Variants in TRPM3 observed in about 807,000 individuals in gnomAD.
TRPM3 encodes the protein long transient receptor potential channel 3.
Under a neutral mutation model 181.2 loss-of-function variants are expected in TRPM3, and 77 were observed. The ratio of observed to expected loss-of-function variants is 0.42; its 90% CI spans 0.35 to 0.51. The LOEUF (loss-of-function observed/expected upper bound fraction) is 0.51. TRPM3 is among the 20% of genes least tolerant of loss of function. TRPM3 has a pLI of 0.01. For synonymous variants in TRPM3, 745 were observed against 796.4 expected, an observed-to-expected ratio of 0.94 and a Z score of 1.09; for missense variants, 1,759 against 2,196.7, an observed-to-expected ratio of 0.80 and a Z score of 3.98.
intron 1 of TRPM3, among the ~76,000 whole-genome samples, chr9:70,938,216 G>C (rs1386073450): frequency 6.6e-6 from 1 of 152,156 alleles, no homozygotes; most frequent in Non-Finnish European, 1.5e-5. Context: ...TCAAAAGCTA[G>C]AGCTCTAGAC....
intron 1 of TRPM3, among the ~76,000 whole-genome samples, chr9:70,981,035 T>C (rs567094598): frequency 5.1e-4 from 77 of 152,284 alleles, no homozygotes; most frequent in African/African-American, 1.8e-3. Flanking sequence ...TCTTGGGTGA[T>C]GGGGAAGCTC....
intron 1 of TRPM3, among the ~76,000 whole-genome samples, chr9:70,954,575 C>A (rs1303599616): frequency 6.6e-6 from 1 of 152,052 alleles, no homozygotes; most frequent in African/African-American, 2.4e-5. Flanking sequence ...ATCGATAGTG[C>A]AACCCCTAAT....
At chr9:71,438,409 C>T (rs1563932399) in intron 1 of TRPM3, among the ~76,000 whole-genome samples, 1 of 152,060 alleles carries the variant, frequency 6.6e-6, no homozygotes, top group Non-Finnish European at 1.5e-5. Context: ...GTGGCTCATG[C>T]CTGTAATCCC....
intron 9 of TRPM3, among the ~76,000 whole-genome samples, chr9:70,648,364 C>T (rs985009219): frequency 6.6e-6 from 1 of 152,012 alleles, no homozygotes; most frequent in Non-Finnish European, 1.5e-5. Context: ...TGGTCCCAGC[C>T]ACTTGGGAGG....
At chr9:70,656,581 C>T (rs2133865906) in intron 9 of TRPM3, among the ~76,000 whole-genome samples, 1 of 152,302 alleles carries the variant, frequency 6.6e-6, no homozygotes, top group African/African-American at 2.4e-5. Context: ...TATAATTTTG[C>T]AGTGGCAGTC....
At chr9:70,890,339 A>G (rs968709078) in intron 1 of TRPM3, among the ~76,000 whole-genome samples, 1 of 152,000 alleles carries the variant, frequency 6.6e-6, no homozygotes, top group Non-Finnish European at 1.5e-5. Context: ...CAAAAAATAT[A>G]TAAGTTAGAG....
intron 4 of TRPM3, among the ~76,000 whole-genome samples, 187 bp downstream of exon 4, chr9:70,846,191 C>A (rs887483818): frequency 2.0e-5 from 3 of 152,148 alleles, no homozygotes; most frequent in African/African-American, 7.2e-5. Flanking sequence ...GTAAGTAATT[C>A]TTCTTGGTTA....
intron 22 of TRPM3, among the ~76,000 whole-genome samples, chr9:70,553,840 A>G (rs2047030217): frequency 1.3e-5 from 2 of 152,218 alleles, no homozygotes; most frequent in African/African-American, 2.4e-5. Context: ...TTGCTGTCTC[A>G]GTACAGAAGG....
chr9:70,694,351 T>A (rs1476100116), intron 8 of TRPM3, among the ~76,000 whole-genome samples: 6 of 152,206 alleles, frequency 3.9e-5, no homozygotes, highest in Admixed American at 1.3e-4. Flanking sequence ...GCCATAGATT[T>A]TCTTTCCTCA....
intron 1 of TRPM3, among the ~76,000 whole-genome samples, chr9:71,367,751 T>G (rs1302488750): frequency 6.6e-6 from 1 of 152,122 alleles, no homozygotes; most frequent in African/African-American, 2.4e-5. Context: ...AATTAGCAAT[T>G]TCCCCCATGT....
chr9:70,535,737 A>G lies in TRPM3; in HGVS notation c.*216T>C. 2 of 1,444,730 alleles carry G rather than the reference A, an allele frequency of 1.4e-6. No individual in the cohort carries two copies. The highest frequency in any genetic ancestry group is 3.0e-5 in the South Asian group (2 of 66,612). The allele number at this position is 1,444,730 out of a possible 1,614,324, so 89.5% of individuals were successfully genotyped here. A position where few individuals can be genotyped will look rare whatever the true frequency, so the allele number is the denominator to read the frequency against. ...CCCTCCCTGCCCAGCAAGTGTGAAC[A>G]TGCCTTAAATCCCCTGTGTCTGGCA... On this transcript the variant is annotated 3_prime_UTR_variant, in exon 26 of 26. Transcript: ENST00000677713.
chr9:71,034,147 T>C (rs1423992222), intron 1 of TRPM3, among the ~76,000 whole-genome samples: 1 of 152,174 alleles, frequency 6.6e-6, no homozygotes, highest in Non-Finnish European at 1.5e-5. Context: ...AACAATGTTA[T>C]TTGAAGACCT....
rs557402197 is a variant in TRPM3 at position 71,302,954 on chromosome 9, G to C, written c.183+143699C>G. Among the ~76,000 whole-genome samples, 5 of 152,242 alleles carry C rather than the reference G, an allele frequency of 3.3e-5. No individual in the cohort carries two copies. The East Asian group carries it at 9.7e-4, about 29-fold the overall frequency. Reference sequence around the variant, plus strand: ...GAAGATATCTCGTGGCCACAGTAAAGTGAAAGCAGATGTGTGCAGAGTTTC... The same window carrying C: ...GAAGATATCTCGTGGCCACAGTAAACTGAAAGCAGATGTGTGCAGAGTTTC... On this transcript the variant is annotated intron_variant, in intron 1 of 24. Transcript: ENST00000357533.
At chr9:70,918,038 T>A (rs1024515880) in intron 1 of TRPM3, among the ~76,000 whole-genome samples, 1 of 151,884 alleles carries the variant, frequency 6.6e-6, no homozygotes, top group Non-Finnish European at 1.5e-5. Context: ...ACAAAAGTGG[T>A]AAGAAGAGAC....
chr9:71,099,791 C>A (rs539267266), intron 1 of TRPM3, among the ~76,000 whole-genome samples: 2 of 152,276 alleles, frequency 1.3e-5, no homozygotes, highest in Admixed American at 1.3e-4. Flanking sequence ...ATCTTAACAA[C>A]CCTAGAAAGG....
rs1442168368 is a variant in TRPM3, at chr9:71,188,560, C to T, written c.183+258093G>A. Among the ~76,000 whole-genome samples the T allele has an allele frequency of 2.6e-5, 4 of 151,924 alleles. No individual in the cohort carries two copies. In the East Asian group the frequency reaches 7.8e-4, roughly 29 times the overall value. Reference sequence around the variant, plus strand: ...ATTATAATGTTGCATCATAGAAATACTCAACCACTGAGTTTGAAGAACCTT... The same window carrying T: ...ATTATAATGTTGCATCATAGAAATATTCAACCACTGAGTTTGAAGAACCTT... On this transcript the variant is annotated intron_variant, in intron 1 of 24. Transcript: ENST00000357533.
intron 25 of TRPM3, among the ~76,000 whole-genome samples, chr9:70,547,547 A>C (rs2045331062): frequency 6.6e-6 from 1 of 151,786 alleles, no homozygotes; most frequent in Non-Finnish European, 1.5e-5. Context: ...AAAAAAAAAA[A>C]AAAAAACCCA....
intron 1 of TRPM3, among the ~76,000 whole-genome samples, chr9:71,293,371 A>G (rs1394563094): frequency 6.6e-6 from 1 of 151,934 alleles, no homozygotes; most frequent in African/African-American, 2.4e-5. Context: ...CGGACATTTT[A>G]TGCATAGAAA....
At chr9:71,420,695 GAGAA>G (rs1440109762) in intron 1 of TRPM3, among the ~76,000 whole-genome samples, 1 of 43,444 alleles carries the variant, frequency 2.3e-5, no homozygotes, top group African/African-American at 7.7e-5. Flanking sequence ...GAAAGGGAAA[GAGAA>G]AGAGAGAGAA....
Sources: allele counts gnomAD v4.1 joint callset (sites outside exome capture counted in the v4.1 genomes callset), GRCh38; gene constraint gnomAD v4.1.1; transcripts MANE v1.5; gene names NCBI Gene and HGNC (gene_info 2026-07-23, HGNC 2026-07-21).